Variants in LRBA observed in about 807,000 individuals in gnomAD.
LRBA encodes the protein LPS responsive beige-like anchor protein.
LRBA carries 176 observed loss-of-function variants against 330.0 expected under a neutral mutation model. That is an observed-to-expected ratio of 0.53 (90% CI 0.47 to 0.60). The LOEUF (loss-of-function observed/expected upper bound fraction) is 0.60, where lower values mean the gene tolerates loss of function less well. Among genes scored for constraint, LRBA ranks in the 20% least tolerant of loss-of-function variants. The pLI is 0.00. For missense variants in LRBA, 3,259 were observed against 3,444.8 expected, an observed-to-expected ratio of 0.95 and a Z score of 1.35; for synonymous variants, 1,230 against 1,193.0, an observed-to-expected ratio of 1.03 and a Z score of -0.64.
At chr4:150,458,576 A>G (rs1005310956) in intron 44 of LRBA, among the ~76,000 whole-genome samples, 27 of 151,908 alleles carry the variant, frequency 1.8e-4, no homozygotes, top group Admixed American at 5.9e-4. Flanking sequence ...TCTAAATCCA[A>G]AGATTCCCTG....
intron 34 of LRBA, among the ~76,000 whole-genome samples, chr4:150,778,644 T>C (rs140178623): frequency 1.8e-4 from 28 of 152,282 alleles, no homozygotes; most frequent in African/African-American, 6.5e-4. Context: ...AAAGCTTAAT[T>C]TCCATAAAGG....
Position 150,285,961 on chromosome 4 carries a change from C to G in LRBA, c.8091G>C (p.Glu2697Asp), listed in dbSNP as rs1748084972. 1 of 1,596,846 alleles carries G rather than the reference C, an allele frequency of 6.3e-7. No individual in the cohort carries two copies. Among genetic ancestry groups the G allele is most frequent in the South Asian group, 1.1e-5 (1 of 87,676 alleles). Residue 2697 changes from glutamate to aspartate, a missense_variant, in exon 54 of 57, where the codon GAG becomes GAC. Transcript: ENST00000651943. ...GTGAACCACTCAACACCAGGCCTAG[C>G]TCCGCACACACCGCAGCACATGTGA... ...YEVTCAAVCA[E>D]LGLVLSGSQE...
intron 4 of LRBA, among the ~76,000 whole-genome samples, chr4:150,928,022 G>T (rs1734068350): frequency 1.3e-5 from 2 of 152,164 alleles, no homozygotes; most frequent in Non-Finnish European, 2.9e-5. Flanking sequence ...TATGGTGGAA[G>T]AAACAGTTTG....
At chr4:150,642,252 T>G (rs1340904558) in intron 37 of LRBA, among the ~76,000 whole-genome samples, 2 of 151,958 alleles carry the variant, frequency 1.3e-5, no homozygotes, top group African/African-American at 4.8e-5. Context: ...GTTCTTGTTG[T>G]TTGGTATTTC....
At chr4:150,459,098 G>A (rs1260873868) in intron 44 of LRBA, among the ~76,000 whole-genome samples, 1 of 151,900 alleles carries the variant, frequency 6.6e-6, no homozygotes, top group African/African-American at 2.4e-5. Flanking sequence ...TGTCCAAAGA[G>A]TAATACAATC....
At chr4:150,662,446 A>G (rs1277171705) in intron 37 of LRBA, among the ~76,000 whole-genome samples, 1 of 152,190 alleles carries the variant, frequency 6.6e-6, no homozygotes, top group Non-Finnish European at 1.5e-5. Flanking sequence ...TTACCAGATA[A>G]ATAGGCTGTG....
chr4:151,010,236 A>G (rs977433581), intron 2 of LRBA, among the ~76,000 whole-genome samples: 3 of 152,154 alleles, frequency 2.0e-5, no homozygotes, highest in African/African-American at 7.2e-5. Flanking sequence ...GGGAATCACT[A>G]TTCTTGAATT....
intron 40 of LRBA, among the ~76,000 whole-genome samples, chr4:150,565,967 C>T (rs1379794863): frequency 6.6e-6 from 1 of 151,880 alleles, no homozygotes; most frequent in African/African-American, 2.4e-5. Context: ...GTGGCTCACA[C>T]CTGTAATCCC....
chr4:150,645,692 A>G (rs979477191), intron 37 of LRBA, among the ~76,000 whole-genome samples: 4 of 152,110 alleles, frequency 2.6e-5, no homozygotes, highest in Admixed American at 2.6e-4. Flanking sequence ...ATGCCTTCCA[A>G]GAGATAAACA....
intron 37 of LRBA, among the ~76,000 whole-genome samples, chr4:150,621,957 T>G (rs992113426): frequency 6.6e-6 from 1 of 152,202 alleles, no homozygotes; most frequent in Non-Finnish European, 1.5e-5. Context: ...TTGGGTTGAC[T>G]TTTTCTTTCT....
intron 15 of LRBA, among the ~76,000 whole-genome samples, chr4:150,896,922 C>T (rs1178564265): frequency 6.6e-6 from 1 of 150,440 alleles, no homozygotes; most frequent in Non-Finnish European, 1.5e-5. Flanking sequence ...CACTGCACTT[C>T]TAAATATGAG....
intron 47 of LRBA, among the ~76,000 whole-genome samples, chr4:150,394,994 A>C (rs1169557848): frequency 1.3e-5 from 2 of 152,206 alleles, no homozygotes; most frequent in Non-Finnish European, 2.9e-5. Context: ...AAATGTATAA[A>C]AAAGTGATAG....
intron 51 of LRBA, 139 bp from the exon 52 acceptor site, chr4:150,310,523 G>A: frequency 5.2e-5 from 27 of 514,846 alleles, no homozygotes; most frequent in South Asian, 2.1e-4. Context: ...AAACCGAGTA[G>A]GAAAACATAT....
At chr4:150,466,034 A>T (rs1432048134) in intron 44 of LRBA, among the ~76,000 whole-genome samples, 3 of 152,158 alleles carry the variant, frequency 2.0e-5, no homozygotes, top group Non-Finnish European at 4.4e-5. Flanking sequence ...CAACAGCAAA[A>T]GCACAAGAGG....
intron 48 of LRBA, among the ~76,000 whole-genome samples, chr4:150,327,928 C>A (rs985828506): frequency 3.3e-5 from 5 of 152,118 alleles, no homozygotes; most frequent in Middle Eastern, 3.4e-3. Flanking sequence ...TCAAAATATA[C>A]CACAGGGCTA....
chr4:150,883,426 C>G (rs1328243396), intron 17 of LRBA, among the ~76,000 whole-genome samples: 1 of 152,170 alleles, frequency 6.6e-6, no homozygotes, highest in Admixed American at 6.5e-5. Flanking sequence ...CACCACTGCA[C>G]TCCAGCCTGG....
intron 40 of LRBA, among the ~76,000 whole-genome samples, chr4:150,531,318 T>C (rs1188553136): frequency 6.6e-6 from 1 of 152,220 alleles, no homozygotes; most frequent in Non-Finnish European, 1.5e-5. Context: ...AGAAACACCA[T>C]GTTTCCTTGC....
chr4:150,981,996 G>A (rs984162555), intron 2 of LRBA, among the ~76,000 whole-genome samples: 10 of 149,902 alleles, frequency 6.7e-5, no homozygotes, highest in African/African-American at 2.4e-4. Flanking sequence ...CTGTTTCATA[G>A]TTTAATAAAT....
intron 47 of LRBA, among the ~76,000 whole-genome samples, chr4:150,391,711 A>G (rs2151909515): frequency 6.6e-6 from 1 of 152,286 alleles, no homozygotes; most frequent in East Asian, 1.9e-4. Flanking sequence ...CTAAGATATA[A>G]TTGGTCAATA....
Sources: gnomAD v4.1 joint callset for allele counts (sites outside exome capture counted in the v4.1 genomes callset) on GRCh38, gnomAD v4.1.1 for gene constraint, MANE v1.5 for transcripts, NCBI Gene and HGNC (gene_info 2026-07-23, HGNC 2026-07-21) for gene names.